MSRA: variants seen among roughly 807,000 people sequenced by gnomAD.
MSRA encodes the protein mitochondrial peptide methionine sulfoxide reductase.
A neutral mutation model predicts 31.3 loss-of-function variants in MSRA; 54 were observed. The ratio of observed to expected loss-of-function variants is 1.73; its 90% CI spans 1.39 to 2.17. The LOEUF (loss-of-function observed/expected upper bound fraction) is 2.17, where lower values mean the gene tolerates loss of function less well. Ranked by LOEUF, MSRA falls within the 30% of genes most tolerant of loss-of-function variation. The probability of loss-of-function intolerance (pLI) is 0.00; values close to 1 mark genes in which losing one functional copy is unlikely to be tolerated. For missense variants in MSRA, 507 were observed against 300.9 expected (o/e 1.69, Z -5.07); for synonymous variants, 169 against 116.5 (o/e 1.45, Z -2.90).
At chr8:10,392,260 C>T (rs1329394197) in intron 5 of MSRA, among the ~76,000 whole-genome samples, 3 of 152,226 alleles carry the variant, frequency 2.0e-5, no homozygotes, top group African/African-American at 4.8e-5. Flanking sequence ...ATTTTAAGAA[C>T]TTAAATGCCA....
At chr8:10,237,353 G>C (rs1277314719) in intron 2 of MSRA, among the ~76,000 whole-genome samples, 1 of 152,176 alleles carries the variant, frequency 6.6e-6, no homozygotes, top group Non-Finnish European at 1.5e-5. Flanking sequence ...GCTTCCAGGT[G>C]GTTTTAAAAT....
chr8:10,250,204 T>A (rs904114816), intron 3 of MSRA, among the ~76,000 whole-genome samples: 2 of 152,176 alleles, frequency 1.3e-5, no homozygotes, highest in African/African-American at 4.8e-5. Context: ...ATTTTAGAAG[T>A]AATTGAGCTA....
At chr8:10,258,402 A>G (rs1380905626) in intron 3 of MSRA, among the ~76,000 whole-genome samples, 1 of 152,220 alleles carries the variant, frequency 6.6e-6, no homozygotes, top group Non-Finnish European at 1.5e-5. Context: ...GTTATTATGT[A>G]AAGGCTCCTG....
At chr8:10,136,835 G>T (rs151108919) in intron 1 of MSRA, among the ~76,000 whole-genome samples, 1 of 152,104 alleles carries the variant, frequency 6.6e-6, no homozygotes, top group Non-Finnish European at 1.5e-5. Flanking sequence ...CCCATTCTTG[G>T]TGTGTCTTTG....
rs551089499 is a variant in MSRA at position 10,428,626 on chromosome 8, G to A, written c.*314G>A. 2.0e-4 allele frequency: 67 copies of A among 331,840 alleles called. No homozygotes were observed. Among genetic ancestry groups the A allele is most frequent in the African/African-American group, 1.4e-3 (63 of 45,252 alleles). 20.6% of individuals were successfully genotyped at this position (331,840 alleles called of 1,614,324 possible). A position where few individuals can be genotyped will look rare whatever the true frequency, so the allele number is the denominator to read the frequency against. On this transcript the variant is annotated 3_prime_UTR_variant, in exon 6 of 6. Coordinates refer to ENST00000317173, the MANE Select transcript of MSRA (RefSeq NM_012331.5). The stretch of plus-strand genomic sequence containing the variant: ...CTAAGGTGTGAGCTGGGAGGTTGCT[G>A]GACAGGATGGGGGACCCCAGAAGTC...
intron 5 of MSRA, among the ~76,000 whole-genome samples, chr8:10,331,416 T>A (rs1246649826): frequency 2.0e-5 from 3 of 152,214 alleles, no homozygotes; most frequent in Non-Finnish European, 4.4e-5. Context: ...TGTACGGCTT[T>A]TCGGTGCTTT....
At chr8:10,061,048 A>G (rs539722353) in intron 1 of MSRA, among the ~76,000 whole-genome samples, 1 of 152,252 alleles carries the variant, frequency 6.6e-6, no homozygotes, top group Admixed American at 6.5e-5. Flanking sequence ...TCCTGCCCAG[A>G]GCTCTTTGAT....
At chr8:10,084,143 A>T (rs964518555) in intron 1 of MSRA, among the ~76,000 whole-genome samples, 1 of 152,230 alleles carries the variant, frequency 6.6e-6, no homozygotes, top group African/African-American at 2.4e-5. Flanking sequence ...CATGCTGGTT[A>T]TGGAGTACTC....
chr8:10,223,615 G>C (rs1055514605), intron 2 of MSRA, among the ~76,000 whole-genome samples: 2 of 152,172 alleles, frequency 1.3e-5, no homozygotes, highest in African/African-American at 4.8e-5. Flanking sequence ...GATTGGGAGA[G>C]AATGGCAGGT....
At chr8:10,375,146 T>G (rs1805687098) in intron 5 of MSRA, among the ~76,000 whole-genome samples, 1 of 152,218 alleles carries the variant, frequency 6.6e-6, no homozygotes, top group Non-Finnish European at 1.5e-5. Flanking sequence ...GCAGTGCAGA[T>G]GGAATAACAC....
At chr8:10,380,809 G>A (rs1057080199) in intron 5 of MSRA, among the ~76,000 whole-genome samples, 1 of 151,958 alleles carries the variant, frequency 6.6e-6, no homozygotes, top group African/African-American at 2.4e-5. Flanking sequence ...TGGATGGATG[G>A]AGGGTTGGGT....
chr8:10,107,311 A>T (rs1376485971), intron 1 of MSRA, among the ~76,000 whole-genome samples: 1 of 152,094 alleles, frequency 6.6e-6, no homozygotes, highest in East Asian at 1.9e-4. Flanking sequence ...TCTGAAAAAT[A>T]AACACTCTAG....
chr8:10,261,029 AT>A (rs1563281705), intron 3 of MSRA, among the ~76,000 whole-genome samples: 1 of 152,250 alleles, frequency 6.6e-6, no homozygotes, highest in African/African-American at 2.4e-5. Context: ...AGAATGAAGT[AT>A]AAAATACAAG....
intron 5 of MSRA, among the ~76,000 whole-genome samples, chr8:10,353,330 A>C (rs534867981): frequency 6.6e-6 from 1 of 152,286 alleles, no homozygotes; most frequent in East Asian, 1.9e-4. Context: ...ACTCACCAAA[A>C]TATATATACA....
chr8:10,402,815 C>G (rs1439534151), intron 5 of MSRA, among the ~76,000 whole-genome samples: 1 of 152,184 alleles, frequency 6.6e-6, no homozygotes, highest in Non-Finnish European at 1.5e-5. Context: ...CAGTAGGAGA[C>G]TTTCCAGACT....
chr8:10,418,274 A>G (rs779682140), intron 5 of MSRA, among the ~76,000 whole-genome samples: 1 of 152,188 alleles, frequency 6.6e-6, no homozygotes, highest in Non-Finnish European at 1.5e-5. Flanking sequence ...TTTGAACTGC[A>G]GGTACCCTCT....
chr8:10,290,847 A>T (rs1240084963), intron 3 of MSRA, among the ~76,000 whole-genome samples: 1 of 152,202 alleles, frequency 6.6e-6, no homozygotes, highest in Non-Finnish European at 1.5e-5. Context: ...GGCTGCAGGG[A>T]TACCATGGTC....
At chr8:10,236,400 C>A (rs1791917647) in intron 2 of MSRA, among the ~76,000 whole-genome samples, 1 of 152,158 alleles carries the variant, frequency 6.6e-6, no homozygotes, top group Non-Finnish European at 1.5e-5. Context: ...ATTCTCTACT[C>A]TTTCTGGCTG....
At chr8:10,138,666 C>T (rs895049445) in intron 1 of MSRA, among the ~76,000 whole-genome samples, 1 of 152,144 alleles carries the variant, frequency 6.6e-6, no homozygotes, top group Non-Finnish European at 1.5e-5. Context: ...AGACTCTAAA[C>T]ACATTTATTT....
Sources: allele counts gnomAD v4.1 joint callset (sites outside exome capture counted in the v4.1 genomes callset), GRCh38; gene constraint gnomAD v4.1.1; transcripts MANE v1.5; gene names NCBI Gene and HGNC (gene_info 2026-07-23, HGNC 2026-07-21).